The following ZAP70 variants were observed in gnomAD, a reference collection of about 807,000 sequenced individuals.
ZAP70 encodes zeta chain of T cell receptor associated protein kinase 70.
In ZAP70, 27 loss-of-function variants were observed where a neutral mutation model predicts 65.8. That is an observed-to-expected ratio of 0.41 (90% CI 0.30 to 0.57). ZAP70 has a LOEUF of 0.57. Among genes scored for constraint, ZAP70 ranks in the 20% least tolerant of loss-of-function variants. ZAP70 has a pLI of 0.28. For synonymous variants in ZAP70, 363 were observed against 360.8 expected (o/e 1.01, Z -0.07); for missense variants, 696 against 870.5 (o/e 0.80, Z 2.52).
rs201835107 is a variant in ZAP70, at chr2:97,733,083, G to A, written c.703-42G>A. 107 of 1,614,010 alleles carry A rather than the reference G, an allele frequency of 6.6e-5. No homozygotes were observed. In the Admixed American group the frequency reaches 1.3e-3, roughly 20 times the overall value. ...TGCTCAGATGGGGTGCCGGGCTCTG[G>A]GGAGGAGAGGAGCCTCTCTGCTAGC... On this transcript the variant is annotated intron_variant, in intron 5 of 13. Coordinates refer to ENST00000264972, the MANE Select transcript of ZAP70 (RefSeq NM_001079.4).
chr2:97,714,697 TC>T (rs1676839590), intron 2 of ZAP70, among the ~76,000 whole-genome samples: 1 of 152,212 alleles, frequency 6.6e-6, no homozygotes, highest in Non-Finnish European at 1.5e-5. Context: ...TTCATTACTC[TC>T]GTCTTGGTTG....
the ZAP70 span, among the ~76,000 whole-genome samples, chr2:97,746,118 G>A: frequency 6.6e-6 from 1 of 152,140 alleles, no homozygotes; most frequent in Non-Finnish European, 1.5e-5. Context: ...TCTAGAACAG[G>A]CAAATTCATA....
chr2:97,721,405 AGT>A (rs1677148330), intron 2 of ZAP70, among the ~76,000 whole-genome samples: 1 of 151,866 alleles, frequency 6.6e-6, no homozygotes, highest in Non-Finnish European at 1.5e-5. Context: ...GCTGCAGATA[AGT>A]GTCTTTTTCA....
At chr2:97,735,957 G>C (rs1187539172) in intron 10 of ZAP70, among the ~76,000 whole-genome samples, 1 of 152,118 alleles carries the variant, frequency 6.6e-6, no homozygotes, top group African/African-American at 2.4e-5. Context: ...GCAGTGAGCC[G>C]AGATTGTGCC....
intron 4 of ZAP70, among the ~76,000 whole-genome samples, chr2:97,728,024 C>T (rs1031885946): frequency 6.6e-6 from 1 of 152,154 alleles, no homozygotes; most frequent in African/African-American, 2.4e-5. Flanking sequence ...TGACGACAGC[C>T]GCTCAGCTTT....
At chr2:97,714,937 C>T (rs1171012463) in intron 2 of ZAP70, among the ~76,000 whole-genome samples, 1 of 152,200 alleles carries the variant, frequency 6.6e-6, no homozygotes, top group African/African-American at 2.4e-5. Flanking sequence ...GGCTCTGCCA[C>T]TCACCAGCTG....
At chr2:97,754,695 G>A in the ZAP70 span, among the ~76,000 whole-genome samples, 2 of 152,132 alleles carry the variant, frequency 1.3e-5, no homozygotes, top group Non-Finnish European at 2.9e-5. Flanking sequence ...GAGCCCCAGC[G>A]CCTGGCCCAG....
chr2:97,755,780 T>C, the ZAP70 span, among the ~76,000 whole-genome samples: 1 of 152,210 alleles, frequency 6.6e-6, no homozygotes, highest in South Asian at 2.1e-4. Flanking sequence ...TGTCTTCCTC[T>C]CACCATACAA....
Position 97,733,445 on chromosome 2 carries a change from C to T in ZAP70, c.838-99C>T. On this transcript the variant is annotated intron_variant, in intron 7 of 13. Transcript: ENST00000264972. Reference sequence around the variant, plus strand: ...TGGGGTGCCTGTGGAGCGGAAGAAGCTCTCTCTCCACTGTCTCTGGGAGTC... The same window carrying T: ...TGGGGTGCCTGTGGAGCGGAAGAAGTTCTCTCTCCACTGTCTCTGGGAGTC... 1.9e-6 allele frequency: 3 copies of T among 1,605,014 alleles called. No homozygotes were observed. The Admixed American group carries it at 5.1e-5, about 27-fold the overall frequency.
At chr2:97,725,946 A>G (rs989741852) in intron 4 of ZAP70, among the ~76,000 whole-genome samples, 4 of 151,788 alleles carry the variant, frequency 2.6e-5, no homozygotes, top group African/African-American at 9.7e-5. Flanking sequence ...TGAGGGGGAG[A>G]ATGGGAGGAG....
downstream of ZAP70, among the ~76,000 whole-genome samples, chr2:97,743,399 G>A (rs563995410): frequency 1.3e-5 from 2 of 152,166 alleles, no homozygotes; most frequent in Admixed American, 1.3e-4. Context: ...GCAATGGCGC[G>A]ATCTTGGCTC....
At chr2:97,743,208 T>C (rs1192582431), downstream of ZAP70, among the ~76,000 whole-genome samples, 4 of 152,230 alleles carry the variant, frequency 2.6e-5, no homozygotes, top group Non-Finnish European at 5.9e-5. Context: ...CATGTGGCCT[T>C]GTTAAATCCC....
intron 4 of ZAP70, among the ~76,000 whole-genome samples, chr2:97,729,044 C>T (rs1381025004): frequency 2.0e-5 from 3 of 152,198 alleles, no homozygotes; most frequent in East Asian, 3.9e-4. Context: ...TGAGCCACCG[C>T]GCCTGGCCTG....
intron 4 of ZAP70, 169 bp from the exon 5 acceptor site, chr2:97,732,714 T>C: frequency 1.1e-6 from 1 of 933,212 alleles, no homozygotes. Flanking sequence ...TGGCCCATCA[T>C]CAGCAGATCT....
At chr2:97,733,665 T>C in intron 8 of ZAP70, 70 bp downstream of exon 8, 1 of 1,602,350 alleles carries the variant, frequency 6.2e-7, no homozygotes, top group Non-Finnish European at 8.5e-7. Context: ...CTGTCAGGGC[T>C]GTGGGGTTTC....
At position 97,739,801 on chromosome 2, in the gene ZAP70, G is replaced by A. The variant is rs1678075186; in HGVS notation, c.*303G>A. On this transcript the variant is annotated 3_prime_UTR_variant, in exon 14 of 14. Transcript: ENST00000264972. ...CCTTCCCCTGGGCCCTGACATTGGA[G>A]CCTGGGCATCCTCAGGTGGTCAGGC... 4 of 451,296 alleles carry A rather than the reference G, an allele frequency of 8.9e-6. No homozygotes were observed. The East Asian group carries it at 1.6e-4, about 18-fold the overall frequency. The allele number at this position is 451,296 out of a possible 1,614,324, so 28.0% of individuals were successfully genotyped here.
Position 97,734,580 on chromosome 2 carries a change from G to A in ZAP70, c.950G>A (p.Ser317Asn). 1 of 1,614,202 alleles carries A rather than the reference G, an allele frequency of 6.2e-7. No homozygotes were observed. The highest frequency in any genetic ancestry group is 8.5e-7 in the Non-Finnish European group (1 of 1,180,032). The change falls in exon 9 of 14, where the codon AGC becomes AAC. Residue 317 changes from serine to asparagine, a missense_variant. Ser to Asn is a conservative substitution (Grantham distance 46). This residue lies in a region of ZAP70 where 551 missense variants were observed against 630.0 expected (regional missense o/e 0.87). Transcript: ENST00000264972. ...CCCATGGACACGAGCGTGTATGAGA[G>A]CCCCTACAGCGACCCAGAGGAGCTC... ...PMPMDTSVYE[S>N]PYSDPEELKD... is the part of the protein sequence containing the mutation.
chr2:97,734,743 C>T (rs199629898), intron 9 of ZAP70, 31 bp downstream of exon 9: 2 of 1,611,032 alleles, frequency 1.2e-6, no homozygotes, highest in Non-Finnish European at 1.7e-6. Flanking sequence ...GTGGGAGCAC[C>T]GCCGCCTGGG....
the ZAP70 span, among the ~76,000 whole-genome samples, chr2:97,753,830 T>A: frequency 6.6e-6 from 1 of 150,872 alleles, no homozygotes; most frequent in Admixed American, 6.6e-5. Flanking sequence ...AATAAAAAAA[T>A]AAAAAAAAAT....
Sources: gnomAD v4.1 joint callset for allele counts (sites outside exome capture counted in the v4.1 genomes callset) on GRCh38, gnomAD v4.1.1 for gene constraint, gnomAD v4.1.1 regional missense constraint, MANE v1.5 for transcripts, NCBI Gene and HGNC (gene_info 2026-07-23, HGNC 2026-07-21) for gene names.